Variants in DCAF12 observed in about 807,000 individuals in gnomAD.
The protein encoded by DCAF12 is DDB1 and CUL4 associated factor 12, also known as DDB1- and CUL4-associated factor 12.
A neutral mutation model predicts 52.8 loss-of-function variants in DCAF12; 28 were observed. The observed-to-expected ratio is 0.53, with a 90% CI of 0.39 to 0.73. The LOEUF (loss-of-function observed/expected upper bound fraction) is 0.73. Among genes scored for constraint, DCAF12 ranks in the 30% least tolerant of loss-of-function variants. DCAF12 has a pLI of 0.00. For missense variants in DCAF12, 425 were observed against 552.2 expected, an observed-to-expected ratio of 0.77 and a Z score of 2.31; for synonymous variants, 196 against 215.5, an observed-to-expected ratio of 0.91 and a Z score of 0.79.
At chr9:34,126,299 A>G in intron 1 of DCAF12, 55 bp downstream of exon 1, 1 of 1,598,014 alleles carries the variant, frequency 6.3e-7, no homozygotes, top group Non-Finnish European at 8.5e-7. Flanking sequence ...GCGGACCCTA[A>G]GCCCATCTTG....
intron 2 of DCAF12, among the ~76,000 whole-genome samples, chr9:34,117,606 A>G (rs1309927621): frequency 6.6e-6 from 1 of 152,132 alleles, no homozygotes; most frequent in Non-Finnish European, 1.5e-5. Flanking sequence ...CATCTATCTA[A>G]ACAAATATTT....
At chr9:34,098,553 C>T in intron 4 of DCAF12, 36 bp from the exon 5 acceptor site, 2 of 1,589,326 alleles carry the variant, frequency 1.3e-6, no homozygotes, top group Non-Finnish European at 1.7e-6. Context: ...TCAGATGTAC[C>T]CACCCCTCTA....
chr9:34,101,308 C>A (rs190700869), intron 4 of DCAF12, among the ~76,000 whole-genome samples: 2 of 152,076 alleles, frequency 1.3e-5, no homozygotes, highest in Admixed American at 1.3e-4. Context: ...GGACTCCTGA[C>A]CTCAAACTCC....
Position 34,089,431 on chromosome 9 carries a change from G to A in DCAF12, c.1184C>T (p.Thr395Ile). The A allele has an allele frequency of 1.2e-6, 2 of 1,613,546 alleles. No individual in the cohort carries two copies. The highest frequency in any genetic ancestry group is 1.7e-6 in the Non-Finnish European group (2 of 1,179,724). The change falls in exon 8 of 9, where the codon ACC becomes ATC. Residue 395 changes from threonine to isoleucine, a missense_variant. Coordinates refer to ENST00000361264, the MANE Select transcript of DCAF12 (RefSeq NM_015397.4). ...PRLAGENLKL[T>I]TGKGWLNHDE... is the part of the protein sequence containing the mutation. ...ACGCACCAGCCAGCCTTTGCCAGTG[G>A]TTAGTTTCAGATTCTCCCCTGCTAG...
chr9:34,117,898 G>A (rs1419500017), intron 2 of DCAF12, among the ~76,000 whole-genome samples: 1 of 152,136 alleles, frequency 6.6e-6, no homozygotes, highest in Non-Finnish European at 1.5e-5. Context: ...TGGGCAACAA[G>A]AGCGAAACTC....
At chr9:34,124,952 A>G (rs1317639466) in intron 2 of DCAF12, 71 bp downstream of exon 2, 3 of 1,558,830 alleles carry the variant, frequency 1.9e-6, no homozygotes, top group East Asian at 2.3e-5. Context: ...GAAAACTAGC[A>G]GAGGTTCTAG....
intron 8 of DCAF12, among the ~76,000 whole-genome samples, chr9:34,089,150 T>C (rs1054575076): frequency 6.7e-6 from 1 of 148,902 alleles, no homozygotes; most frequent in Non-Finnish European, 1.5e-5. Context: ...ACAGCTGTGG[T>C]GGGAGGTCCC....
intron 4 of DCAF12, among the ~76,000 whole-genome samples, chr9:34,105,270 A>G (rs1302507726): frequency 6.6e-6 from 1 of 151,066 alleles, no homozygotes; most frequent in Non-Finnish European, 1.5e-5. Context: ...AAAAAAAATC[A>G]TACTAAGGCT....
intron 2 of DCAF12, among the ~76,000 whole-genome samples, chr9:34,108,779 G>A (rs1467291752): frequency 6.9e-6 from 1 of 145,272 alleles, no homozygotes; most frequent in African/African-American, 2.5e-5. Flanking sequence ...GTGTGAGACT[G>A]TGAGACTTGG....
At chr9:34,115,897 A>G (rs1258922066) in intron 2 of DCAF12, among the ~76,000 whole-genome samples, 1 of 152,152 alleles carries the variant, frequency 6.6e-6, no homozygotes, top group African/African-American at 2.4e-5. Flanking sequence ...TTTAACGGCG[A>G]TAAGGTAGTT....
chr9:34,095,264 G>A (rs866024054), intron 6 of DCAF12, among the ~76,000 whole-genome samples: 26 of 151,686 alleles, frequency 1.7e-4, no homozygotes, highest in African/African-American at 5.1e-4. Context: ...TAGTAGAGAC[G>A]GGGTTTCGCC....
chr9:34,113,019 T>C (rs72731214), intron 2 of DCAF12, among the ~76,000 whole-genome samples: 13,795 of 152,206 alleles, frequency 0.091, 906 homozygotes, highest in Non-Finnish European at 0.13. Context: ...AACCATAACA[T>C]GTAGCTTTTA....
At chr9:34,124,914 G>A in intron 2 of DCAF12, 109 bp downstream of exon 2, 1 of 1,394,960 alleles carries the variant, frequency 7.2e-7, no homozygotes, top group Non-Finnish European at 9.8e-7. Context: ...GGAGAGTAAG[G>A]CAAGTCCCTC....
At chr9:34,120,912 G>A (rs1316289850) in intron 2 of DCAF12, among the ~76,000 whole-genome samples, 4 of 152,018 alleles carry the variant, frequency 2.6e-5, no homozygotes, top group African/African-American at 9.7e-5. Context: ...TCAGCACTTT[G>A]GGAGGCTGAG....
At chr9:34,111,803 T>A (rs1332070495) in intron 2 of DCAF12, among the ~76,000 whole-genome samples, 5 of 152,150 alleles carry the variant, frequency 3.3e-5, no homozygotes, top group Non-Finnish European at 7.3e-5. Context: ...GTGGCCACTT[T>A]TTACCAAAGC....
At position 34,100,669 on chromosome 9, in the gene DCAF12, A is replaced by ATT. The variant is rs554051217; in HGVS notation, c.602-2154_602-2153dup. On this transcript the variant is annotated intron_variant, in intron 4 of 8. Coordinates refer to ENST00000361264, the MANE Select transcript of DCAF12 (RefSeq NM_015397.4). ...CCTACCACACCTGGCTAATTTTTGCATTTTTTTTTTTTTATAGACAGGGTT... is the reference window on the plus strand; with the variant it reads ...CCTACCACACCTGGCTAATTTTTGCATTTTTTTTTTTTTTTATAGACAGGGTT... Among the ~76,000 whole-genome samples, 25 of 135,974 alleles carry ATT rather than the reference A, an allele frequency of 1.8e-4. 1 individual carries two copies. Among genetic ancestry groups the ATT allele is most frequent in the Admixed American group, 7.5e-4 (10 of 13,250 alleles). The allele number at this position is 135,974 out of a possible 152,430, so 89.2% of individuals were successfully genotyped here.
intron 2 of DCAF12, among the ~76,000 whole-genome samples, chr9:34,122,971 A>AT (rs1473931903): frequency 7.9e-5 from 12 of 152,220 alleles, no homozygotes; most frequent in Non-Finnish European, 1.6e-4. Context: ...CCATGAACAT[A>AT]TACCTAACCC....
At chr9:34,094,600 A>G (rs1182354789) in intron 6 of DCAF12, among the ~76,000 whole-genome samples, 1 of 142,548 alleles carries the variant, frequency 7.0e-6, no homozygotes, top group Non-Finnish European at 1.5e-5. Flanking sequence ...GCGCGATCTC[A>G]GCTCACTGCA....
At chr9:34,104,931 GAAAGAATTTCAC>G (rs1828881448) in intron 4 of DCAF12, among the ~76,000 whole-genome samples, 1 of 150,186 alleles carries the variant, frequency 6.7e-6, no homozygotes, top group Non-Finnish European at 1.5e-5. Flanking sequence ...AAAAAAAAAA[GAAAGAATTTCAC>G]AAAGAATTCT....
Sources: allele counts gnomAD v4.1 joint callset (sites outside exome capture counted in the v4.1 genomes callset), GRCh38; gene constraint gnomAD v4.1.1; transcripts MANE v1.5; gene names NCBI Gene and HGNC (gene_info 2026-07-23, HGNC 2026-07-21).